Variants in MYO3B observed in about 807,000 individuals in gnomAD.
MYO3B encodes the protein myosin-IIIb.
In MYO3B, 156 loss-of-function variants were observed where a neutral mutation model predicts 174.6. That is an observed-to-expected ratio of 0.89 (90% CI 0.78 to 1.02). MYO3B has a LOEUF of 1.02. Among genes scored for constraint, MYO3B ranks in the 50% least tolerant of loss-of-function variants. MYO3B has a pLI of 0.00. For synonymous variants in MYO3B, 563 were observed against 569.1 expected (o/e 0.99, Z 0.15); for missense variants, 1,632 against 1,639.4 (o/e 1.00, Z 0.08).
Position 170,605,499 on chromosome 2 carries a change from A to G in MYO3B, c.3734-46129A>G, listed in dbSNP as rs147293131. Among the ~76,000 whole-genome samples the G allele has an allele frequency of 2.5e-3, 379 of 152,258 alleles. 2 individuals are homozygous for G. The highest frequency in any genetic ancestry group is 8.5e-3 in the African/African-American group (352 of 41,554). ...CCTGTGCTTAGCATGTCCAGAACTG[A>G]ACTCTTGATCCCCTCATGTCTTGAA... On this transcript the variant is annotated intron_variant, in intron 32 of 34. Coordinates refer to ENST00000408978, the MANE Select transcript of MYO3B (RefSeq NM_138995.5).
intron 14 of MYO3B, 85 bp downstream of exon 14, chr2:170,387,393 C>T: frequency 7.8e-7 from 1 of 1,289,030 alleles, no homozygotes; most frequent in Non-Finnish European, 1.1e-6. Flanking sequence ...AGTTTTCATT[C>T]TTGTTCTTAA....
At chr2:170,621,801 G>A (rs887916894) in intron 32 of MYO3B, among the ~76,000 whole-genome samples, 10 of 151,988 alleles carry the variant, frequency 6.6e-5, no homozygotes, top group Non-Finnish European at 1.0e-4. Context: ...GAGCCACCAG[G>A]CATTAGCCAC....
chr2:170,217,305 C>T lies in MYO3B; in HGVS notation c.527-14C>T, dbSNP rs760195893. The T allele has an allele frequency of 6.8e-6, 11 of 1,612,422 alleles. No individual in the cohort carries two copies. Among genetic ancestry groups the T allele is most frequent in the Middle Eastern group, 3.3e-4 (2 of 6,060 alleles). ...CTTTGCTCACTTTTGAATTCTGATA[C>T]TCTTTCCTTATAGGTGTTTCAGCTC... is the stretch of plus-strand genomic sequence containing the variant. On this transcript the variant is annotated splice_polypyrimidine_tract_variant and intron_variant, in intron 5 of 34. Coordinates refer to ENST00000408978, the MANE Select transcript of MYO3B (RefSeq NM_138995.5).
chr2:170,578,328 G>C (rs112707893), intron 32 of MYO3B, among the ~76,000 whole-genome samples: 351 of 152,304 alleles, frequency 2.3e-3, no homozygotes, highest in African/African-American at 8.0e-3. Flanking sequence ...AGATTAATTT[G>C]GATTGTATCT....
rs192391199 is a variant in MYO3B at position 170,554,852 on chromosome 2, G to A, written c.3733+10864G>A. 2.4e-3 allele frequency among the ~76,000 whole-genome samples: 368 copies of A among 152,200 alleles called. 7 individuals carry two copies. The highest frequency in any genetic ancestry group is 2.7e-3 in the East Asian group (14 of 5,176). On this transcript the variant is annotated intron_variant, in intron 32 of 34. Coordinates refer to ENST00000408978, the MANE Select transcript of MYO3B (RefSeq NM_138995.5). ...TGGCTTCCAAGATTGGATGTTGATG[G>A]CATGGCTGTAAAATGTGCCTAGAGA...
intron 32 of MYO3B, chr2:170,644,003 A>C (rs1204686076): frequency 6.6e-6 from 1 of 152,366 alleles, no homozygotes; most frequent in Non-Finnish European, 1.5e-5. Flanking sequence ...AGGAGGGGGC[A>C]TGTGTAGCCA....
chr2:170,275,564 T>A (rs1032187597), intron 7 of MYO3B, among the ~76,000 whole-genome samples: 3 of 152,212 alleles, frequency 2.0e-5, no homozygotes, highest in Non-Finnish European at 4.4e-5. Flanking sequence ...TATTCGTAGT[T>A]ATGCTGAGTA....
At chr2:170,475,397 C>A (rs888437834) in intron 25 of MYO3B, among the ~76,000 whole-genome samples, 1 of 152,148 alleles carries the variant, frequency 6.6e-6, no homozygotes, top group Non-Finnish European at 1.5e-5. Context: ...ACTACATGTG[C>A]AAACCACCAT....
Position 170,519,528 on chromosome 2 carries a change from CAG to C in MYO3B, c.3567_3568del (p.Asn1191TrpfsTer28), listed in dbSNP as rs1409345823. The C allele has an allele frequency of 3.1e-6, 5 of 1,613,758 alleles. No individual in the cohort carries two copies. The South Asian group carries it at 3.3e-5, about 11-fold the overall frequency. On this transcript the variant is annotated frameshift_variant, in exon 30 of 35. Transcript: ENST00000408978. LOFTEE classifies it high-confidence loss of function. Reference sequence around the variant, plus strand: ...ACTTCAAGCAACTCTCCTGCTGTCACAGAGAAAAATGGGTGAGCATTATCTGC... The same window carrying C: ...ACTTCAAGCAACTCTCCTGCTGTCACAGAAAAATGGGTGAGCATTATCTGC...
chr2:170,636,624 C>T (rs1471446056), intron 32 of MYO3B, among the ~76,000 whole-genome samples: 1 of 152,082 alleles, frequency 6.6e-6, no homozygotes, highest in Non-Finnish European at 1.5e-5. Context: ...GGGAAGGTGC[C>T]AAGTCAGCCA....
At chr2:170,652,927 G>T (rs1699101225) in intron 34 of MYO3B, 56 bp from the exon 35 acceptor site, 3 of 1,604,286 alleles carry the variant, frequency 1.9e-6, no homozygotes, top group Non-Finnish European at 1.7e-6. Flanking sequence ...CCCCAGTGAT[G>T]ATTGTAACAT....
chr2:170,439,506 C>T (rs1397982556), intron 22 of MYO3B, among the ~76,000 whole-genome samples: 4 of 152,094 alleles, frequency 2.6e-5, no homozygotes, highest in African/African-American at 9.7e-5. Flanking sequence ...TATTCCATAG[C>T]TTATCTCTAC....
At chr2:170,296,509 G>C (rs529181443) in intron 7 of MYO3B, among the ~76,000 whole-genome samples, 1 of 152,270 alleles carries the variant, frequency 6.6e-6, no homozygotes, top group African/African-American at 2.4e-5. Flanking sequence ...CCAGGCATTG[G>C]AGACTACAAA....
At position 170,653,042 on chromosome 2, in the gene MYO3B, G is replaced by C. The variant is rs375491254; in HGVS notation, c.3947G>C (p.Cys1316Ser). 441 of 1,614,024 alleles carry C rather than the reference G, an allele frequency of 2.7e-4. 1 individual carries two copies. The highest frequency in any genetic ancestry group is 3.7e-4 in the Non-Finnish European group (431 of 1,179,992). The change falls in exon 35 of 35, where the codon TGT becomes TCT. Residue 1316 changes from cysteine (C) to serine (S), a missense_variant. Transcript: ENST00000408978. ...EYYKSLSPVD[C>S]IPEENNSAHP... ...TACAAATCTCTGTCACCAGTGGACT[G>C]TATCCCTGAGGAGAACAACTCAGCC...
intron 7 of MYO3B, among the ~76,000 whole-genome samples, chr2:170,291,573 A>G (rs2093596206): frequency 1.3e-5 from 2 of 152,162 alleles, no homozygotes; most frequent in Non-Finnish European, 2.9e-5. Context: ...CTTCTTTTAG[A>G]TAGAATAACT....
At chr2:170,313,966 C>T (rs976770942) in intron 7 of MYO3B, among the ~76,000 whole-genome samples, 10 of 152,068 alleles carry the variant, frequency 6.6e-5, no homozygotes, top group African/African-American at 2.4e-4. Context: ...TCATTACTGG[C>T]CCAGGAAAGA....
chr2:170,358,511 T>C (rs1461942226), intron 8 of MYO3B, among the ~76,000 whole-genome samples: 1 of 152,190 alleles, frequency 6.6e-6, no homozygotes, highest in African/African-American at 2.4e-5. Context: ...ATTGTGGTAA[T>C]GGTTGCACAA....
chr2:170,338,913 A>G (rs2093961533), intron 8 of MYO3B, among the ~76,000 whole-genome samples: 2 of 152,160 alleles, frequency 1.3e-5, no homozygotes, highest in South Asian at 4.1e-4. Context: ...CCCAAATAAT[A>G]TCCTTTCATT....
At chr2:170,302,657 G>C (rs1224883667) in intron 7 of MYO3B, among the ~76,000 whole-genome samples, 1 of 152,148 alleles carries the variant, frequency 6.6e-6, no homozygotes, top group Non-Finnish European at 1.5e-5. Flanking sequence ...TGGCAGGGGT[G>C]GGGGAAAAGA....
Sources: allele counts gnomAD v4.1 joint callset (sites outside exome capture counted in the v4.1 genomes callset), GRCh38; gene constraint gnomAD v4.1.1; transcripts MANE v1.5; gene names NCBI Gene and HGNC (gene_info 2026-07-23, HGNC 2026-07-21).